POMGNT1: variants seen among roughly 807,000 people sequenced by gnomAD.
POMGNT1 encodes protein O-linked-mannose beta-1,2-N-acetylglucosaminyltransferase 1.
Under a neutral mutation model 95.6 loss-of-function variants are expected in POMGNT1, and 67 were observed. That is an observed-to-expected ratio of 0.70 (90% CI 0.58 to 0.86). POMGNT1 has a LOEUF of 0.86. POMGNT1 is among the 40% of genes least tolerant of loss of function. The pLI is 0.00. For missense variants in POMGNT1, 719 were observed against 855.2 expected, an observed-to-expected ratio of 0.84 and a Z score of 1.99; for synonymous variants, 298 against 317.9, an observed-to-expected ratio of 0.94 and a Z score of 0.66.
At position 46,190,753 on chromosome 1, in the gene POMGNT1, G is replaced by A. The variant is rs769180238; in HGVS notation, c.1571C>T (p.Thr524Met). The change falls in exon 18 of 22, where the codon ACG becomes ATG. Residue 524 changes from threonine to methionine, a missense_variant. This residue lies in a region of POMGNT1 where 118 missense variants were observed against 153.6 expected (regional missense o/e 0.77). Coordinates refer to ENST00000371984, the MANE Select transcript of POMGNT1 (RefSeq NM_017739.4). ...ATTCCTGAGCTGGACACCTGGAACCGTGTTGAACTTGTGCTTCTTGAAGTA... is the reference window on the plus strand; with the variant it reads ...ATTCCTGAGCTGGACACCTGGAACCATGTTGAACTTGTGCTTCTTGAAGTA... The part of the protein sequence containing the change: ...EAYFKKHKFN[T>M]VPGVQLRNVD... The A allele has an allele frequency of 2.2e-5, 36 of 1,613,752 alleles. No homozygotes were observed. The highest frequency in any genetic ancestry group is 5.5e-5 in the South Asian group (5 of 91,076).
intron 1 of POMGNT1, among the ~76,000 whole-genome samples, chr1:46,211,837 T>A (rs1419027437): frequency 6.6e-6 from 1 of 151,998 alleles, no homozygotes; most frequent in Admixed American, 6.6e-5. Context: ...TGATCTCGGC[T>A]CACTACAACC....
At chr1:46,191,823 A>G (rs1657790421) in intron 17 of POMGNT1, 1 of 388,180 alleles carries the variant, frequency 2.6e-6, no homozygotes, top group Admixed American at 3.7e-5. Context: ...TTTAGTAGAG[A>G]TGGGGTTTCA....
upstream of POMGNT1, among the ~76,000 whole-genome samples, chr1:46,199,615 C>T (rs1440925890): frequency 6.6e-6 from 1 of 152,104 alleles, no homozygotes; most frequent in African/African-American, 2.4e-5. Flanking sequence ...CAGTTTTAGG[C>T]AGGGGAGCAA....
intron 1 of POMGNT1, among the ~76,000 whole-genome samples, chr1:46,210,833 G>A (rs1658871109): frequency 6.6e-6 from 1 of 152,030 alleles, no homozygotes; most frequent in Non-Finnish European, 1.5e-5. Context: ...GGAGTACAGT[G>A]GCTCAATCAC....
chr1:46,197,843 T>C lies in POMGNT1; in HGVS notation c.-22A>G. 4.3e-6 allele frequency: 7 copies of C among 1,613,358 alleles called. No individual in the cohort carries two copies. The highest frequency in any genetic ancestry group is 2.2e-5 in the East Asian group (1 of 44,874). ...CCATACCGGATTGGCGGGTCACCAA[T>C]GTCCTGGCCAGCCCATGACTTCAGG... On this transcript the variant is annotated 5_prime_UTR_variant, in exon 2 of 22. Transcript: ENST00000371984.
Position 46,192,148 on chromosome 1 carries a change from G to T in POMGNT1, c.1489C>A (p.Arg497=). The T allele has an allele frequency of 1.9e-6, 3 of 1,614,044 alleles. No homozygotes were observed. Among genetic ancestry groups the T allele is most frequent in the South Asian group, 1.1e-5 (1 of 91,066 alleles). Residue 497 remains arginine, a synonymous_variant, in exon 17 of 22, where the codon CGA becomes AGA. Transcript: ENST00000371984. ...GRECIIPDVS[R]SYHFGIVGLN... ...CCGACGATGCCAAAGTGGTAGGATCGGGAAACGTCAGGGATGATGCACTCT... is the reference window on the plus strand; with the variant it reads ...CCGACGATGCCAAAGTGGTAGGATCTGGAAACGTCAGGGATGATGCACTCT...
At chr1:46,195,093 A>C (rs1658124092) in intron 6 of POMGNT1, 132 bp from the exon 7 acceptor site, 1 of 797,912 alleles carries the variant, frequency 1.3e-6, no homozygotes. Context: ...CTCTATGGTT[A>C]CTCTCTTTCA....
rs1571651056 is a variant in POMGNT1, at chr1:46,190,948, A to G, written c.1540-164T>C. 11 of 699,662 alleles carry G rather than the reference A, an allele frequency of 1.6e-5. No homozygotes were observed. In the East Asian group the frequency reaches 3.2e-4, roughly 20 times the overall value. The allele number at this position is 699,662 out of a possible 1,614,324, so 43.3% of individuals were successfully genotyped here. A position where few individuals can be genotyped will look rare whatever the true frequency, so the allele number is the denominator to read the frequency against. On this transcript the variant is annotated intron_variant, in intron 17 of 21. Coordinates refer to ENST00000371984, the MANE Select transcript of POMGNT1 (RefSeq NM_017739.4). ...CCATCCTCTTTGCAGCATCCTCAGCAAGCTCTTACTAGCTTTAATTTGGCC... is the reference window on the plus strand; with the variant it reads ...CCATCCTCTTTGCAGCATCCTCAGCGAGCTCTTACTAGCTTTAATTTGGCC...
intron 1 of POMGNT1, chr1:46,203,507 G>A (rs750092774): frequency 1.3e-6 from 2 of 1,559,058 alleles, no homozygotes; most frequent in Non-Finnish European, 1.7e-6. Context: ...CTGAAGGGCT[G>A]CTCCGCGGGC....
intron 1 of POMGNT1, among the ~76,000 whole-genome samples, chr1:46,216,908 G>T (rs1305007871): frequency 1.2e-4 from 19 of 152,144 alleles, no homozygotes; most frequent in Non-Finnish European, 2.5e-4. Context: ...TTCTGCTCTT[G>T]CATTAATTCA....
At chr1:46,198,536 C>CGGCGGCGGT (rs1227854690), upstream of POMGNT1, 3 of 166,562 alleles carry the variant, frequency 1.8e-5, no homozygotes, top group African/African-American at 7.3e-5. Flanking sequence ...GCGGCGGCGG[C>CGGCGGCGGT]GGCGGTGGCG....
intron 1 of POMGNT1, 167 bp downstream of exon 1, chr1:46,198,169 G>A (rs954736668): frequency 6.4e-6 from 2 of 313,396 alleles, no homozygotes; most frequent in Admixed American, 8.9e-5. Flanking sequence ...GCCTTCCCAA[G>A]CCTGTGGTGA....
In POMGNT1 at chr1:46,196,690, G is replaced by A; in HGVS notation, c.354+41C>T. On this transcript the variant is annotated intron_variant, in intron 4 of 21. Coordinates refer to ENST00000371984, the MANE Select transcript of POMGNT1 (RefSeq NM_017739.4). The surrounding 1 kb of genome is among the most constrained non-coding windows in gnomAD (Gnocchi z 4.4). ...CTGCTGCCAGTGGACCATGCCCTGA[G>A]CAGAATAGAGTGACTGTACACCAGA... 6.2e-7 allele frequency: 1 copy of A among 1,613,738 alleles called. No homozygotes were observed. The highest frequency in any genetic ancestry group is 8.5e-7 in the Non-Finnish European group (1 of 1,180,022).
intron 19 of POMGNT1, 72 bp from the exon 20 acceptor site, chr1:46,190,061 C>T: frequency 1.4e-6 from 2 of 1,444,212 alleles, no homozygotes; most frequent in Non-Finnish European, 1.9e-6. Flanking sequence ...GGACCCTGTA[C>T]TTGGTTGAAT....
chr1:46,197,580 C>T, intron 2 of POMGNT1, 122 bp downstream of exon 2: 1 of 1,571,190 alleles, frequency 6.4e-7, no homozygotes, highest in Non-Finnish European at 8.7e-7. Flanking sequence ...GAGGTCTCCC[C>T]TCTAGGAACC....
At chr1:46,190,866 G>T in intron 17 of POMGNT1, 82 bp from the exon 18 acceptor site, 2 of 1,328,814 alleles carry the variant, frequency 1.5e-6, no homozygotes, top group Non-Finnish European at 1.1e-6. Flanking sequence ...ACATCTATAA[G>T]ACACACAAAT....
In POMGNT1 at chr1:46,189,464, G is replaced by C. The variant is rs747723242; in HGVS notation, c.1889C>G (p.Pro630Arg). ...GCAGAAAAGGGTCACTCACGAGTAG[G>C]GGGAAGCCGGGACCCCCACCATCAG... ...HFLMVGVPAS[P>R]YSVKKPPSVT... Residue 630 changes from proline (P) to arginine (R), a missense_variant, in exon 21 of 22, where the codon CCC (proline) becomes CGC (arginine). Around this residue, in one of 5 missense-constraint regions of POMGNT1, gnomAD observed 130 missense variants for 149.2 expected, o/e 0.87. Transcript: ENST00000371984. 2.9e-5 allele frequency: 47 copies of C among 1,613,540 alleles called. 1 individual carries two copies. The East Asian group carries it at 4.5e-4, about 15-fold the overall frequency.
Position 46,194,271 on chromosome 1 carries a change from C to T in POMGNT1, c.879+3G>A, listed in dbSNP as rs1411537744. 1.2e-6 allele frequency: 2 copies of T among 1,614,094 alleles called. No individual in the cohort carries two copies. The highest frequency in any genetic ancestry group is 2.7e-5 in the African/African-American group (2 of 74,942). On this transcript the variant is annotated splice_donor_region_variant and intron_variant, in intron 9 of 21. Transcript: ENST00000371984. Reference sequence around the variant, plus strand: ...AACCTCACTGTCTTAAGGCCCCACTCACTGGGTCAGGGCTGAACTCGATGG... The same window carrying T: ...AACCTCACTGTCTTAAGGCCCCACTTACTGGGTCAGGGCTGAACTCGATGG...
At chr1:46,211,439 GCACACACACACACACACA>G in intron 1 of POMGNT1, among the ~76,000 whole-genome samples, 1 of 79,046 alleles carries the variant, frequency 1.3e-5, no homozygotes. Flanking sequence ...ATGAAAACCT[GCACACACACACACACACA>G]CACACACACA....
Sources: allele counts gnomAD v4.1 joint callset (sites outside exome capture counted in the v4.1 genomes callset), GRCh38; gene constraint gnomAD v4.1.1; regional missense constraint gnomAD v4.1.1; non-coding constraint Gnocchi (gnomAD v3.1); transcripts MANE v1.5; gene names NCBI Gene and HGNC (gene_info 2026-07-23, HGNC 2026-07-21).